Variants in COMMD1 observed in about 807,000 individuals in gnomAD.
The protein encoded by COMMD1 is COMM domain-containing protein 1.
In COMMD1, 10 loss-of-function variants were observed where a neutral mutation model predicts 17.2. That is an observed-to-expected ratio of 0.58 (90% CI 0.36 to 0.99). The LOEUF is 0.99. Ranked by LOEUF, COMMD1 falls within the 50% of genes least tolerant of loss-of-function variation. COMMD1 has a pLI of 0.01. For missense variants in COMMD1, 270 were observed against 231.8 expected, an observed-to-expected ratio of 1.17 and a Z score of -1.07; for synonymous variants, 97 against 91.6, an observed-to-expected ratio of 1.06 and a Z score of -0.34.
chr2:61,930,617 T>TTGTGTGTGTGTGTGTG (rs59488185), intron 1 of COMMD1, among the ~76,000 whole-genome samples: 1 of 146,056 alleles, frequency 6.8e-6, no homozygotes, highest in Non-Finnish European at 1.5e-5. Context: ...CCACAGGGTT[T>TTGTGTGTGTGTGTGTG]TGTGTGTGTG....
chr2:62,039,411 A>G (rs904545798), intron 2 of COMMD1, among the ~76,000 whole-genome samples: 1 of 152,242 alleles, frequency 6.6e-6, no homozygotes, highest in African/African-American at 2.4e-5. Flanking sequence ...GAATATCACT[A>G]TGGCCTTTCT....
chr2:62,003,685 G>A (rs1669031456), intron 2 of COMMD1, among the ~76,000 whole-genome samples: 1 of 151,424 alleles, frequency 6.6e-6, no homozygotes, highest in Admixed American at 6.6e-5. Context: ...GGATATCTAA[G>A]TTTTACCAGC....
chr2:62,091,365 C>A (rs189741316), intron 2 of COMMD1, among the ~76,000 whole-genome samples: 27 of 152,308 alleles, frequency 1.8e-4, no homozygotes, highest in Admixed American at 1.6e-3. Flanking sequence ...TATGCCTAAC[C>A]CAGCTCCAAC....
intron 1 of COMMD1, among the ~76,000 whole-genome samples, 196 bp downstream of exon 1, chr2:61,906,054 C>T (rs1180573222): frequency 6.6e-6 from 1 of 152,214 alleles, no homozygotes; most frequent in Non-Finnish European, 1.5e-5. Context: ...CTAAGGGGGA[C>T]TTTTTCTGCT....
chr2:61,906,761 T>C (rs1177581153), intron 1 of COMMD1, among the ~76,000 whole-genome samples: 3 of 152,192 alleles, frequency 2.0e-5, no homozygotes, highest in Non-Finnish European at 4.4e-5. Context: ...AAAAACCTTA[T>C]ATAGTGGACA....
intron 1 of COMMD1, among the ~76,000 whole-genome samples, chr2:61,900,524 T>C (rs1220715551): frequency 6.6e-6 from 1 of 152,230 alleles, no homozygotes; most frequent in Admixed American, 6.5e-5. Context: ...ATTTGGTATC[T>C]TATTGCCACA....
chr2:61,981,979 T>C (rs1410245611), intron 1 of COMMD1, among the ~76,000 whole-genome samples: 2 of 152,224 alleles, frequency 1.3e-5, no homozygotes, highest in African/African-American at 4.8e-5. Context: ...GGGTCTTTTA[T>C]GGTTCATTAT....
At chr2:62,015,439 G>C (rs1669411537) in intron 2 of COMMD1, among the ~76,000 whole-genome samples, 1 of 152,166 alleles carries the variant, frequency 6.6e-6, no homozygotes, top group African/African-American at 2.4e-5. Flanking sequence ...GGATATTTGA[G>C]TTGTTTCCAC....
At chr2:62,119,762 TTGA>T (rs1424370187) in intron 2 of COMMD1, among the ~76,000 whole-genome samples, 3 of 152,164 alleles carry the variant, frequency 2.0e-5, no homozygotes, top group Admixed American at 1.3e-4. Context: ...CAGAATTGGT[TTGA>T]TTAGTACCAC....
chr2:61,905,770 C>T lies in COMMD1; in HGVS notation c.92C>T (p.Thr31Ile). ...ACTTTCCACGGGTACCCCGGCATCA[C>T]AGAGGAGCTGCTACGGAGCCAGCTA... Reference protein sequence around the residue: ...QDTFHGYPGITEELLRSQLYP... With the variant: ...QDTFHGYPGIIEELLRSQLYP... The change falls in exon 1 of 3, where the codon ACA becomes ATA. Residue 31 changes from threonine to isoleucine, a missense_variant. Physicochemically the swap from Thr to Ile is moderately conservative, Grantham distance 89 (BLOSUM62 -1). Coordinates refer to ENST00000311832, the MANE Select transcript of COMMD1 (RefSeq NM_152516.4). The T allele has an allele frequency of 6.2e-7, 1 of 1,614,176 alleles. No homozygotes were observed. Among genetic ancestry groups the T allele is most frequent in the Non-Finnish European group, 8.5e-7 (1 of 1,180,018 alleles).
chr2:62,077,244 G>A (rs1376818285), intron 2 of COMMD1, among the ~76,000 whole-genome samples: 2 of 152,102 alleles, frequency 1.3e-5, no homozygotes, highest in East Asian at 1.9e-4. Context: ...AGAGAAGGAA[G>A]AAATAGTATT....
intron 1 of COMMD1, among the ~76,000 whole-genome samples, chr2:61,913,617 AAAAATT>A (rs1669970105): frequency 6.6e-6 from 1 of 151,200 alleles, no homozygotes. Context: ...TGGCTCTACT[AAAAATT>A]GGCTCTACTA....
chr2:61,921,705 A>G (rs886795179), intron 1 of COMMD1, among the ~76,000 whole-genome samples: 2 of 152,174 alleles, frequency 1.3e-5, no homozygotes, highest in Non-Finnish European at 2.9e-5. Flanking sequence ...GGCCTCCCAA[A>G]GTGCTGGGAT....
intron 1 of COMMD1, among the ~76,000 whole-genome samples, chr2:61,973,800 T>A (rs1288194928): frequency 6.6e-6 from 1 of 152,198 alleles, no homozygotes; most frequent in African/African-American, 2.4e-5. Flanking sequence ...TCAAGTGCCA[T>A]TTGTATATGA....
At chr2:61,913,358 C>G (rs1320800855) in intron 1 of COMMD1, among the ~76,000 whole-genome samples, 1 of 123,220 alleles carries the variant, frequency 8.1e-6, no homozygotes, top group East Asian at 2.5e-4. Context: ...CAGAGTGAGA[C>G]TCCATCTCAA....
At chr2:62,107,065 T>G (rs1672341664) in intron 2 of COMMD1, among the ~76,000 whole-genome samples, 1 of 152,202 alleles carries the variant, frequency 6.6e-6, no homozygotes. Flanking sequence ...CCATACTGAG[T>G]ATTACCACCA....
rs370030189 is a variant in COMMD1 at position 61,978,838 on chromosome 2, A to G, written c.181-21863A>G. Among the ~76,000 whole-genome samples, 8 of 152,176 alleles carry G rather than the reference A, an allele frequency of 5.3e-5. No individual in the cohort carries two copies. In the East Asian group the frequency reaches 1.2e-3, roughly 22 times the overall value. On this transcript the variant is annotated intron_variant, in intron 1 of 2. Coordinates refer to ENST00000311832, the MANE Select transcript of COMMD1 (RefSeq NM_152516.4). ...ACTTGAGCCAGAAAATTGGCATAGC[A>G]TCACTTCTGCTATAATTTTTTAAAA...
At chr2:62,087,057 C>T (rs1040363261) in intron 2 of COMMD1, among the ~76,000 whole-genome samples, 2 of 152,096 alleles carry the variant, frequency 1.3e-5, no homozygotes, top group African/African-American at 4.8e-5. Flanking sequence ...CTCCTGACCT[C>T]AAATGACCTG....
intron 1 of COMMD1, among the ~76,000 whole-genome samples, chr2:61,975,118 C>CTTTTTTATTTTTTTTT (rs1671760395): frequency 1.2e-5 from 1 of 80,166 alleles, no homozygotes; most frequent in Non-Finnish European, 2.4e-5. Context: ...TCATTTCTTT[C>CTTTTTTATTTTTTTTT]TTTTTTTTTT....
Sources: allele counts gnomAD v4.1 joint callset (sites outside exome capture counted in the v4.1 genomes callset), GRCh38; gene constraint gnomAD v4.1.1; transcripts MANE v1.5; gene names NCBI Gene and HGNC (gene_info 2026-07-23, HGNC 2026-07-21).